CAPZB: variants seen among roughly 807,000 people sequenced by gnomAD.
CAPZB encodes the protein capping actin protein of muscle Z-line subunit beta.
A neutral mutation model predicts 38.1 loss-of-function variants in CAPZB; 2 were observed. The ratio of observed to expected loss-of-function variants is 0.05; its 90% CI spans 0.02 to 0.17. The LOEUF is 0.17. Ranked by LOEUF, CAPZB falls within the 10% of genes least tolerant of loss-of-function variation. The pLI is 1.00. For synonymous variants in CAPZB, 107 were observed against 127.4 expected, an observed-to-expected ratio of 0.84 and a Z score of 1.08; for missense variants, 161 against 334.2, an observed-to-expected ratio of 0.48 and a Z score of 4.04.
In CAPZB at chr1:19,377,287, A is replaced by G. The variant is rs372905984; in HGVS notation, c.329+1253T>C. ...AAGAACCTTTAAAAGACTGAAGCCT[A>G]TTTTAACTGTGAAAATCAACAATTT... On this transcript the variant is annotated intron_variant, in intron 4 of 8. Coordinates refer to ENST00000264202, the MANE Select transcript of CAPZB (RefSeq NM_004930.5). Among the ~76,000 whole-genome samples, 10 of 152,328 alleles carry G rather than the reference A, an allele frequency of 6.6e-5. 1 individual carries two copies. The highest frequency in any genetic ancestry group is 2.4e-4 in the African/African-American group (10 of 41,586).
At chr1:19,348,829 T>C (rs934572240) in intron 6 of CAPZB, among the ~76,000 whole-genome samples, 11 of 151,428 alleles carry the variant, frequency 7.3e-5, no homozygotes, top group Admixed American at 7.2e-4. Flanking sequence ...ACAGTAAATA[T>C]CTGCAGAAAA....
chr1:19,346,715 G>A (rs1436096730), intron 6 of CAPZB, among the ~76,000 whole-genome samples: 2 of 150,620 alleles, frequency 1.3e-5, no homozygotes, highest in African/African-American at 4.9e-5. Flanking sequence ...GGGCAGGAGA[G>A]AACCAAGCCA....
chr1:19,449,512 G>A (rs947665785), intron 1 of CAPZB, among the ~76,000 whole-genome samples: 1 of 152,128 alleles, frequency 6.6e-6, no homozygotes, highest in Non-Finnish European at 1.5e-5. Flanking sequence ...GACTGGCTGG[G>A]GGCTGTGGCC....
At chr1:19,392,120 T>C (rs1057076014) in intron 2 of CAPZB, among the ~76,000 whole-genome samples, 1 of 150,366 alleles carries the variant, frequency 6.7e-6, no homozygotes, top group African/African-American at 2.4e-5. Context: ...GAGATAGAGG[T>C]TGCCGTGAGC....
chr1:19,460,017 T>C (rs939624343), intron 1 of CAPZB, among the ~76,000 whole-genome samples: 2 of 144,070 alleles, frequency 1.4e-5, no homozygotes, highest in Non-Finnish European at 3.1e-5. Flanking sequence ...CAAAGAGAAG[T>C]TGCCAAATGC....
chr1:19,385,945 T>C (rs2094201754), intron 2 of CAPZB: 3 of 430,688 alleles, frequency 7.0e-6, no homozygotes, highest in East Asian at 5.5e-5. Context: ...TTGGTATTGG[T>C]CTCTGGTGGG....
chr1:19,385,380 A>G, intron 3 of CAPZB, 125 bp downstream of exon 3: 1 of 1,031,042 alleles, frequency 9.7e-7, no homozygotes, highest in Non-Finnish European at 1.5e-6. Flanking sequence ...GCAGGGAACA[A>G]ACGGAAGGAA....
chr1:19,391,156 C>G (rs532891392), intron 2 of CAPZB, among the ~76,000 whole-genome samples: 2 of 151,824 alleles, frequency 1.3e-5, no homozygotes, highest in African/African-American at 2.4e-5. Context: ...AAGTGAGGTT[C>G]GTGTTTGTGC....
chr1:19,470,486 T>C (rs186292645), intron 1 of CAPZB, among the ~76,000 whole-genome samples: 17 of 152,330 alleles, frequency 1.1e-4, no homozygotes, highest in Non-Finnish European at 1.8e-4. Context: ...ATGTGGTCTT[T>C]CCATGCATCA....
At chr1:19,482,541 G>C (rs2094633385) in intron 1 of CAPZB, among the ~76,000 whole-genome samples, 3 of 152,204 alleles carry the variant, frequency 2.0e-5, no homozygotes. Flanking sequence ...AGCTGTGTAA[G>C]GAACGGTGCT....
At chr1:19,444,506 G>C (rs541657987) in intron 1 of CAPZB, among the ~76,000 whole-genome samples, 9 of 152,232 alleles carry the variant, frequency 5.9e-5, no homozygotes, top group Admixed American at 2.6e-4. Flanking sequence ...AGAAAACAGC[G>C]TGCCTAGCCC....
chr1:19,360,370 G>A (rs377670812), intron 4 of CAPZB, among the ~76,000 whole-genome samples: 22 of 152,326 alleles, frequency 1.4e-4, no homozygotes, highest in Admixed American at 9.1e-4. Context: ...CAAAAAGGAT[G>A]GGCCAATAAT....
At chr1:19,432,823 A>C (rs1210849232) in intron 1 of CAPZB, among the ~76,000 whole-genome samples, 1 of 152,276 alleles carries the variant, frequency 6.6e-6, no homozygotes, top group Non-Finnish European at 1.5e-5. Context: ...AAATAAAATT[A>C]ATTTCTAACG....
In CAPZB at chr1:19,448,509, T is replaced by G. The variant is rs1002568791; in HGVS notation, c.4-28759A>C. 2.0e-5 allele frequency among the ~76,000 whole-genome samples: 3 copies of G among 152,224 alleles called. No homozygotes were observed. In the East Asian group the frequency reaches 5.8e-4, roughly 29 times the overall value. The stretch of plus-strand genomic sequence containing the variant: ...CTTCTCTGAACCGCAGAAACAAACC[T>G]GGTTGCAGTTGGGGCACTGTGGACC... On this transcript the variant is annotated intron_variant, in intron 1 of 8. Transcript: ENST00000264202.
At chr1:19,382,781 T>C (rs2094182357) in intron 3 of CAPZB, among the ~76,000 whole-genome samples, 1 of 152,132 alleles carries the variant, frequency 6.6e-6, no homozygotes, top group Non-Finnish European at 1.5e-5. Context: ...CCTTACACAG[T>C]CAACTGGAGT....
chr1:19,395,965 C>T (rs1200712912), intron 2 of CAPZB, among the ~76,000 whole-genome samples: 1 of 152,230 alleles, frequency 6.6e-6, no homozygotes, highest in African/African-American at 2.4e-5. Context: ...CTCAGGCTTG[C>T]CCCACACCCA....
At chr1:19,397,011 T>C (rs1284596826) in intron 2 of CAPZB, among the ~76,000 whole-genome samples, 1 of 152,130 alleles carries the variant, frequency 6.6e-6, no homozygotes, top group Non-Finnish European at 1.5e-5. Context: ...ACCTGAAATC[T>C]TTTTGGGAAA....
intron 2 of CAPZB, among the ~76,000 whole-genome samples, chr1:19,405,832 G>A (rs1275420789): frequency 6.6e-6 from 1 of 152,164 alleles, no homozygotes. Flanking sequence ...ACATCAATTC[G>A]AGAGCTCGCC....
chr1:19,404,113 G>A (rs1418690726), intron 2 of CAPZB, among the ~76,000 whole-genome samples: 4 of 151,508 alleles, frequency 2.6e-5, no homozygotes, highest in African/African-American at 4.9e-5. Flanking sequence ...CACACCTGTA[G>A]TCCCAGCTAC....
Sources: allele counts gnomAD v4.1 joint callset (sites outside exome capture counted in the v4.1 genomes callset), GRCh38; gene constraint gnomAD v4.1.1; transcripts MANE v1.5; gene names NCBI Gene and HGNC (gene_info 2026-07-23, HGNC 2026-07-21).